CHST8: variants seen among roughly 807,000 people sequenced by gnomAD.
The protein encoded by CHST8 is carbohydrate sulfotransferase 8, also known as GALNAC-4-ST1.
A neutral mutation model predicts 15.0 loss-of-function variants in CHST8; 10 were observed. That is an observed-to-expected ratio of 0.67 (90% CI 0.41 to 1.13). CHST8 has a LOEUF of 1.13. Among genes scored for constraint, CHST8 ranks in the 50% most tolerant of loss-of-function variants. CHST8 has a pLI of 0.00. For missense variants in CHST8, 634 were observed against 608.2 expected (o/e 1.04, Z -0.45); for synonymous variants, 259 against 256.6 (o/e 1.01, Z -0.09).
chr19:33,709,891 C>T (rs528691655), intron 3 of CHST8, among the ~76,000 whole-genome samples: 4 of 152,218 alleles, frequency 2.6e-5, no homozygotes, highest in African/African-American at 9.6e-5. Context: ...CCAGGCTGGC[C>T]TCTAACTCCT....
At chr19:33,748,015 A>G (rs1054064001) in intron 3 of CHST8, among the ~76,000 whole-genome samples, 1 of 152,104 alleles carries the variant, frequency 6.6e-6, no homozygotes, top group Non-Finnish European at 1.5e-5. Flanking sequence ...CCTTTCCCTC[A>G]GGACAGGCAG....
intron 3 of CHST8, among the ~76,000 whole-genome samples, chr19:33,691,255 GA>G (rs1255790025): frequency 6.6e-6 from 1 of 152,202 alleles, no homozygotes; most frequent in Middle Eastern, 3.2e-3. Flanking sequence ...GCTGGCAGGG[GA>G]TGTCAGATGG....
At position 33,772,690 on chromosome 19, in the gene CHST8, G is replaced by T. The variant is rs768263105; in HGVS notation, c.902G>T (p.Arg301Leu). The T allele has an allele frequency of 6.2e-7, 1 of 1,613,618 alleles. No homozygotes were observed. Among genetic ancestry groups the T allele is most frequent in the South Asian group, 1.1e-5 (1 of 91,074 alleles). Residue 301 changes from arginine (R) to leucine (L), a missense_variant, in exon 5 of 5, where the codon CGG becomes CTG. Physicochemically the swap from Arg to Leu is moderately radical, Grantham distance 102. Transcript: ENST00000650847. The stretch of plus-strand genomic sequence containing the variant: ...GCCAATGCCTCTCGGGAGGCCCTGC[G>T]GACCGGCTCTGGGGTGCGTTTTCCC... ...YRANASREAL[R>L]TGSGVRFPEF...
intron 3 of CHST8, among the ~76,000 whole-genome samples, chr19:33,736,695 A>G (rs899154457): frequency 7.9e-5 from 12 of 151,950 alleles, no homozygotes; most frequent in African/African-American, 2.2e-4. Context: ...TGTTCCTGAG[A>G]TTTTCTAGCA....
Position 33,700,585 on chromosome 19 carries a change from C to T in CHST8, c.130+11194C>T, listed in dbSNP as rs116909332. Among the ~76,000 whole-genome samples, 8 of 152,346 alleles carry T rather than the reference C, an allele frequency of 5.3e-5. No homozygotes were observed. In the East Asian group the frequency reaches 1.5e-3, roughly 29 times the overall value. ...AATGCACCAGGCTCTCCGCTCAGGG[C>T]TGTGGGTGGGGTCCTTGTCACAGTG... is the stretch of plus-strand genomic sequence containing the variant. On this transcript the variant is annotated intron_variant, in intron 3 of 4. Transcript: ENST00000650847.
chr19:33,681,542 C>A (rs541659199), intron 2 of CHST8, among the ~76,000 whole-genome samples: 1 of 152,256 alleles, frequency 6.6e-6, no homozygotes, highest in East Asian at 1.9e-4. Context: ...GAGGGACAGG[C>A]GGCAGGTGTG....
intron 1 of CHST8, among the ~76,000 whole-genome samples, chr19:33,626,101 C>T (rs1285524707): frequency 4.6e-5 from 7 of 152,174 alleles, no homozygotes; most frequent in African/African-American, 1.7e-4. Context: ...TGCATTAGCT[C>T]AGGTGCCAGA....
chr19:33,666,997 GA>G (rs138990778), intron 1 of CHST8, among the ~76,000 whole-genome samples: 4,547 of 152,194 alleles, frequency 0.03, 205 homozygotes, highest in African/African-American at 0.1. Context: ...GTATTTTTCT[GA>G]AAGGGACCCC....
At position 33,659,987 on chromosome 19, in the gene CHST8, T is replaced by C. The variant is rs889694238; in HGVS notation, c.-163-7780T>C. ...ATCCCTGGAATCCTCCTGAAGCTTT[T>C]GGGGACCTCACAACTGGGCCCTGGG... On this transcript the variant is annotated intron_variant, in intron 1 of 4. Coordinates refer to ENST00000650847, the MANE Select transcript of CHST8 (RefSeq NM_001127895.2). Among the ~76,000 whole-genome samples, 2 of 152,186 alleles carry C rather than the reference T, an allele frequency of 1.3e-5. 1 individual carries two copies. The highest frequency in any genetic ancestry group is 1.3e-4 in the Admixed American group (2 of 15,282).
chr19:33,697,763 G>C (rs1360273091), intron 3 of CHST8, among the ~76,000 whole-genome samples: 1 of 152,206 alleles, frequency 6.6e-6, no homozygotes, highest in East Asian at 1.9e-4. Context: ...CCTGGGCAGA[G>C]AGAACAGTGT....
intron 1 of CHST8, among the ~76,000 whole-genome samples, chr19:33,637,404 CTTT>C (rs35709907): frequency 9.0e-5 from 12 of 133,808 alleles, no homozygotes; most frequent in Admixed American, 1.5e-4. Flanking sequence ...GGTTCGCTTT[CTTT>C]TTTTTTTTTT....
intron 2 of CHST8, among the ~76,000 whole-genome samples, chr19:33,670,950 T>C (rs1471428231): frequency 6.6e-6 from 1 of 152,188 alleles, no homozygotes; most frequent in Non-Finnish European, 1.5e-5. Flanking sequence ...AGAGGTTAAG[T>C]AGCCTATGTA....
intron 3 of CHST8, among the ~76,000 whole-genome samples, chr19:33,718,662 G>C (rs1420766953): frequency 1.3e-5 from 2 of 152,208 alleles, no homozygotes; most frequent in African/African-American, 4.8e-5. Context: ...CTGTCATTAT[G>C]CTGGGATCTC....
rs1568358991 is a variant in CHST8 at position 33,757,553 on chromosome 19, AAAGAAAG to A, written c.131-13857_131-13851del. Among the ~76,000 whole-genome samples the A allele has an allele frequency of 1.6e-5, 2 of 126,212 alleles. 1 individual carries two copies. Among genetic ancestry groups the A allele is most frequent in the Non-Finnish European group, 3.4e-5 (2 of 58,776 alleles). 82.8% of individuals were successfully genotyped at this position (126,212 alleles called of 152,430 possible). ...GAAAGAAAGAAAGAAAGAAAGAAAG[AAAGAAAG>A]AAAGAAAGAAAGAAAGAAAGAAAGA... On this transcript the variant is annotated intron_variant, in intron 3 of 4. Coordinates refer to ENST00000650847, the MANE Select transcript of CHST8 (RefSeq NM_001127895.2).
At chr19:33,682,665 G>T (rs1972910310) in intron 2 of CHST8, among the ~76,000 whole-genome samples, 1 of 152,238 alleles carries the variant, frequency 6.6e-6, no homozygotes. Flanking sequence ...TTGTCCGTTT[G>T]TGTCTGGCTT....
intron 2 of CHST8, among the ~76,000 whole-genome samples, chr19:33,672,697 C>T (rs940992324): frequency 6.6e-6 from 1 of 152,074 alleles, no homozygotes; most frequent in African/African-American, 2.4e-5. Flanking sequence ...TGTTGGGGAA[C>T]GATGAGAAAT....
chr19:33,664,427 C>A (rs1395737525), intron 1 of CHST8, among the ~76,000 whole-genome samples: 1 of 87,264 alleles, frequency 1.1e-5, no homozygotes, highest in Non-Finnish European at 2.1e-5. Context: ...CAGTGCTATC[C>A]CTCCCCCCTC....
chr19:33,765,820 A>G (rs1974829036), intron 3 of CHST8, among the ~76,000 whole-genome samples: 1 of 152,104 alleles, frequency 6.6e-6, no homozygotes, highest in African/African-American at 2.4e-5. Context: ...CGTAGCCTCC[A>G]AAGTGCTGGG....
At chr19:33,632,564 C>T (rs950479003) in intron 1 of CHST8, among the ~76,000 whole-genome samples, 5 of 152,096 alleles carry the variant, frequency 3.3e-5, no homozygotes, top group African/African-American at 9.7e-5. Context: ...TACAGAAAAG[C>T]GAACAGATCC....
Sources: allele counts gnomAD v4.1 joint callset (sites outside exome capture counted in the v4.1 genomes callset), GRCh38; gene constraint gnomAD v4.1.1; transcripts MANE v1.5; gene names NCBI Gene and HGNC (gene_info 2026-07-23, HGNC 2026-07-21).